The following NTRK3 variants were observed in gnomAD, a reference collection of about 807,000 sequenced individuals.
NTRK3 encodes NT-3 growth factor receptor.
Under a neutral mutation model 91.7 loss-of-function variants are expected in NTRK3, and 24 were observed. The observed-to-expected ratio is 0.26, with a 90% confidence interval of 0.19 to 0.37. NTRK3 has a LOEUF of 0.37. Ranked by LOEUF, NTRK3 falls within the 10% of genes least tolerant of loss-of-function variation. The probability of loss-of-function intolerance (pLI) is 1.00; values close to 1 mark genes in which losing one functional copy is unlikely to be tolerated. For missense variants in NTRK3, 880 were observed against 1,068.9 expected (o/e 0.82, Z 2.46); for synonymous variants, 483 against 404.0 (o/e 1.20, Z -2.34).
At chr15:87,945,628 G>C (rs566243646) in intron 14 of NTRK3, among the ~76,000 whole-genome samples, 1 of 152,072 alleles carries the variant, frequency 6.6e-6, no homozygotes, top group Non-Finnish European at 1.5e-5. Context: ...ACACAGAGCC[G>C]CTGGATACAC....
At chr15:88,148,423 A>T (rs964165533) in intron 5 of NTRK3, among the ~76,000 whole-genome samples, 5 of 152,202 alleles carry the variant, frequency 3.3e-5, no homozygotes, top group Non-Finnish European at 7.3e-5. Flanking sequence ...TGATGTAAGT[A>T]ACTGATACAG....
chr15:87,995,717 C>A (rs534311924), intron 14 of NTRK3, among the ~76,000 whole-genome samples: 1 of 152,232 alleles, frequency 6.6e-6, no homozygotes, highest in Admixed American at 6.5e-5. Context: ...GGCCAGCAAG[C>A]TTTCTCTGTC....
intron 13 of NTRK3, among the ~76,000 whole-genome samples, chr15:88,053,231 G>T (rs1389698601): frequency 6.6e-6 from 1 of 152,184 alleles, no homozygotes; most frequent in South Asian, 2.1e-4. Context: ...GGGTAAGGGG[G>T]CAGAGAGTAA....
chr15:87,919,529 G>A (rs1047326902), intron 17 of NTRK3, among the ~76,000 whole-genome samples: 1 of 152,114 alleles, frequency 6.6e-6, no homozygotes, highest in Non-Finnish European at 1.5e-5. Flanking sequence ...TGAGTTGCAG[G>A]TAGATGTCCC....
exon 19 of NTRK3, chr15:87,867,019 T>A (rs1439631334): frequency 9.0e-6 from 2 of 221,596 alleles, no homozygotes; most frequent in Non-Finnish European, 1.8e-5. Context: ...CAGAGGAAAT[T>A]AAAAGAAAAC....
At chr15:87,866,680 C>T (rs2064689542) in exon 19 of NTRK3, 2 of 190,424 alleles carry the variant, frequency 1.1e-5, no homozygotes, top group African/African-American at 4.7e-5. Context: ...GGTCTTCCAG[C>T]TCCTTCAGCA....
At chr15:88,052,897 TTATC>T (rs1351227649) in intron 13 of NTRK3, among the ~76,000 whole-genome samples, 1 of 151,978 alleles carries the variant, frequency 6.6e-6, no homozygotes, top group African/African-American at 2.4e-5. Context: ...GCCCAAGGGG[TTATC>T]TATCAGCTGA....
At chr15:88,109,320 G>T (rs1265325758) in intron 13 of NTRK3, among the ~76,000 whole-genome samples, 1 of 152,184 alleles carries the variant, frequency 6.6e-6, no homozygotes. Flanking sequence ...GCAGGAGGGA[G>T]AGAAGAGGGG....
chr15:88,171,912 G>A (rs370132501), intron 5 of NTRK3, among the ~76,000 whole-genome samples: 35 of 152,394 alleles, frequency 2.3e-4, no homozygotes, highest in African/African-American at 6.7e-4. Context: ...CCCATGGGGC[G>A]TACACATCAT....
chr15:88,203,224 A>T (rs1334197683), intron 3 of NTRK3, among the ~76,000 whole-genome samples: 1 of 152,078 alleles, frequency 6.6e-6, no homozygotes, highest in Non-Finnish European at 1.5e-5. Context: ...TCCTGAGATT[A>T]CTTCCCACAT....
intron 5 of NTRK3, among the ~76,000 whole-genome samples, chr15:88,169,288 C>A (rs2151491006): frequency 6.6e-6 from 1 of 152,300 alleles, no homozygotes; most frequent in South Asian, 2.1e-4. Flanking sequence ...TTTAATCAGC[C>A]TCCTTGCAGA....
chr15:87,925,519 C>T (rs974122641), intron 17 of NTRK3: 2 of 209,508 alleles, frequency 9.5e-6, no homozygotes, highest in Non-Finnish European at 1.9e-5. Flanking sequence ...AGCCAACAAA[C>T]TCTTAGGCCC....
intron 18 of NTRK3, among the ~76,000 whole-genome samples, chr15:87,877,537 C>T (rs1202039372): frequency 1.3e-5 from 2 of 152,138 alleles, no homozygotes; most frequent in Non-Finnish European, 1.5e-5. Flanking sequence ...TTTGAAACTG[C>T]CATGAAGGAG....
At chr15:88,091,143 C>T (rs1383853426) in intron 13 of NTRK3, among the ~76,000 whole-genome samples, 1 of 152,104 alleles carries the variant, frequency 6.6e-6, no homozygotes, top group Non-Finnish European at 1.5e-5. Flanking sequence ...AAATTGGGAA[C>T]CCGTTTTACT....
chr15:88,218,148 G>T (rs1598014550), intron 3 of NTRK3, among the ~76,000 whole-genome samples: 1 of 152,242 alleles, frequency 6.6e-6, no homozygotes, highest in East Asian at 1.9e-4. Flanking sequence ...TTCTAGTCTA[G>T]CCTGACTACG....
intron 3 of NTRK3, among the ~76,000 whole-genome samples, chr15:88,217,280 A>G (rs1032015531): frequency 6.6e-6 from 1 of 152,246 alleles, no homozygotes; most frequent in Non-Finnish European, 1.5e-5. Context: ...AAAGGTCTCA[A>G]AGAGATAACT....
intron 14 of NTRK3, among the ~76,000 whole-genome samples, chr15:87,992,683 T>A (rs2075382210): frequency 1.3e-5 from 2 of 152,248 alleles, no homozygotes; most frequent in Non-Finnish European, 1.5e-5. Flanking sequence ...AGAACTGGTA[T>A]GGACCCTGGT....
chr15:88,235,384 C>G lies in NTRK3; in HGVS notation c.248+20522G>C, dbSNP rs984566194. Among the ~76,000 whole-genome samples the G allele has an allele frequency of 2.6e-5, 4 of 152,212 alleles. No individual in the cohort carries two copies. The highest frequency in any genetic ancestry group is 7.2e-5 in the African/African-American group (3 of 41,464). On this transcript the variant is annotated intron_variant, in intron 3 of 18. Coordinates refer to ENST00000394480, the Ensembl canonical transcript of NTRK3. The surrounding 1 kb of genome is among the most constrained non-coding windows in gnomAD (Gnocchi z 5.2). ...AGTACCCTGCCGCAGACAGTGGACACTCACTGGTCTCGGCCTTCCCGGAAC... is the reference window on the plus strand; with the variant it reads ...AGTACCCTGCCGCAGACAGTGGACAGTCACTGGTCTCGGCCTTCCCGGAAC...
intron 14 of NTRK3, among the ~76,000 whole-genome samples, chr15:88,014,866 G>C (rs2077121056): frequency 6.6e-6 from 1 of 152,198 alleles, no homozygotes; most frequent in African/African-American, 2.4e-5. Context: ...TCTATGTTTA[G>C]AAATATGCAC....
Sources: gnomAD v4.1 joint callset for allele counts (sites outside exome capture counted in the v4.1 genomes callset) on GRCh38, gnomAD v4.1.1 for gene constraint, Gnocchi (gnomAD v3.1) non-coding constraint, MANE v1.5 for transcripts, NCBI Gene and HGNC (gene_info 2026-07-23, HGNC 2026-07-21) for gene names.